The following CAMK1D variants were observed in gnomAD, a reference collection of about 807,000 sequenced individuals.
The protein encoded by CAMK1D is calcium/calmodulin-dependent protein kinase type 1D.
CAMK1D carries 9 observed loss-of-function variants against 47.7 expected under a neutral mutation model. The ratio of observed to expected loss-of-function variants is 0.19; its 90% CI spans 0.11 to 0.33. The LOEUF is 0.33. Ranked by LOEUF, CAMK1D falls within the 10% of genes least tolerant of loss-of-function variation. The pLI, the probability that CAMK1D is intolerant of heterozygous loss-of-function variation, is 1.00. For synonymous variants in CAMK1D, 184 were observed against 184.9 expected, an observed-to-expected ratio of 0.99 and a Z score of 0.04; for missense variants, 291 against 488.7, an observed-to-expected ratio of 0.60 and a Z score of 3.81.
At chr10:12,425,264 T>TTTTCTTTCTTTC (rs148930488) in intron 1 of CAMK1D, among the ~76,000 whole-genome samples, 23 of 146,712 alleles carry the variant, frequency 1.6e-4, no homozygotes, top group Admixed American at 2.7e-4. Context: ...TGCCCCTTTC[T>TTTTCTTTCTTTC]TTTCTTTCTT....
intron 1 of CAMK1D, among the ~76,000 whole-genome samples, chr10:12,505,421 C>G (rs897111875): frequency 6.6e-6 from 1 of 152,124 alleles, no homozygotes; most frequent in Non-Finnish European, 1.5e-5. Flanking sequence ...GGCAGTAAAA[C>G]GGGTGTAGAA....
chr10:12,691,826 C>CT lies in CAMK1D; in HGVS notation c.299+25018dup, dbSNP rs1055527493. 2.0e-5 allele frequency among the ~76,000 whole-genome samples: 3 copies of CT among 152,108 alleles called. 1 individual carries two copies. Among genetic ancestry groups the CT allele is most frequent in the African/African-American group, 7.2e-5 (3 of 41,414 alleles). On this transcript the variant is annotated intron_variant, in intron 3 of 10. Coordinates refer to ENST00000619168, the MANE Select transcript of CAMK1D (RefSeq NM_153498.4). ...GTGAAGAGGAGGAGGGGGAGAAAGCCTTGAATAACCAATCAACACTTACAT... is the reference window on the plus strand; with the variant it reads ...GTGAAGAGGAGGAGGGGGAGAAAGCCTTTGAATAACCAATCAACACTTACAT...
intron 1 of CAMK1D, among the ~76,000 whole-genome samples, chr10:12,541,997 C>G (rs1836210290): frequency 6.6e-6 from 1 of 151,952 alleles, no homozygotes; most frequent in Non-Finnish European, 1.5e-5. Flanking sequence ...ACCTCAGCTT[C>G]GTGAGTAGCT....
intron 1 of CAMK1D, among the ~76,000 whole-genome samples, chr10:12,357,322 CTT>C (rs1318773568): frequency 6.9e-6 from 1 of 145,466 alleles, no homozygotes; most frequent in Admixed American, 6.9e-5. Flanking sequence ...CAGGTGTTTG[CTT>C]TTTTTTTTTG....
Position 12,817,145 on chromosome 10 carries a change from A to G in CAMK1D, c.833+817A>G, listed in dbSNP as rs567941086. On this transcript the variant is annotated intron_variant, in intron 8 of 10. Coordinates refer to ENST00000619168, the MANE Select transcript of CAMK1D (RefSeq NM_153498.4). ...GGGAAAGACTTGCCTCTGTGATTCA[A>G]TTACCTCCCACCAGGTCCCTCCCAC... Among the ~76,000 whole-genome samples, 9 of 152,320 alleles carry G rather than the reference A, an allele frequency of 5.9e-5. No individual in the cohort carries two copies. The South Asian group carries it at 8.3e-4, about 14-fold the overall frequency.
intron 1 of CAMK1D, among the ~76,000 whole-genome samples, chr10:12,395,420 C>A (rs922632928): frequency 2.0e-5 from 3 of 152,002 alleles, no homozygotes; most frequent in Non-Finnish European, 4.4e-5. Context: ...GGAATCTCAG[C>A]CACCAGTCAC....
At chr10:12,733,863 C>T (rs1456059372) in intron 3 of CAMK1D, among the ~76,000 whole-genome samples, 1 of 152,104 alleles carries the variant, frequency 6.6e-6, no homozygotes. Context: ...ATTATATATA[C>T]AGTCATTGTA....
At chr10:12,820,265 C>G (rs1353839895) in intron 8 of CAMK1D, among the ~76,000 whole-genome samples, 1 of 152,182 alleles carries the variant, frequency 6.6e-6, no homozygotes, top group Admixed American at 6.5e-5. Context: ...GTCTCGATCT[C>G]CTAACCTTGT....
At chr10:12,350,749 G>C (rs1436101597) in intron 1 of CAMK1D, among the ~76,000 whole-genome samples, 1 of 152,226 alleles carries the variant, frequency 6.6e-6, no homozygotes, top group East Asian at 1.9e-4. Context: ...GAATAGGTGG[G>C]GAGGCTGATA....
intron 3 of CAMK1D, among the ~76,000 whole-genome samples, chr10:12,734,443 CATATGT>C (rs1564524487): frequency 0.089 from 466 of 5,260 alleles, 6 homozygotes; most frequent in Non-Finnish European, 0.43. Flanking sequence ...TACACACACA[CATATGT>C]GTATATATAC....
intron 2 of CAMK1D, among the ~76,000 whole-genome samples, chr10:12,580,308 A>T (rs1824881014): frequency 6.7e-6 from 1 of 149,624 alleles, no homozygotes; most frequent in Non-Finnish European, 1.5e-5. Context: ...ATGTATCTGG[A>T]CTAAAATATG....
chr10:12,632,064 A>G (rs1839395867), intron 2 of CAMK1D, among the ~76,000 whole-genome samples: 1 of 152,186 alleles, frequency 6.6e-6, no homozygotes. Context: ...GTGCTGAATG[A>G]AGGCCCCGTT....
At chr10:12,515,900 C>T (rs1007241135) in intron 1 of CAMK1D, among the ~76,000 whole-genome samples, 10 of 152,130 alleles carry the variant, frequency 6.6e-5, no homozygotes, top group Admixed American at 3.9e-4. Flanking sequence ...CGTGAGCCAC[C>T]GTGCAGGGCC....
chr10:12,629,939 C>T (rs1474010312), intron 2 of CAMK1D, among the ~76,000 whole-genome samples: 4 of 152,170 alleles, frequency 2.6e-5, no homozygotes, highest in Admixed American at 1.3e-4. Context: ...GTGATGTATA[C>T]GATAGACTGC....
chr10:12,391,062 A>G (rs990809400), intron 1 of CAMK1D, among the ~76,000 whole-genome samples: 3 of 152,128 alleles, frequency 2.0e-5, no homozygotes, highest in African/African-American at 4.8e-5. Context: ...TTGGGCCAAC[A>G]CTGTCTTCTC....
intron 6 of CAMK1D, among the ~76,000 whole-genome samples, chr10:12,800,747 G>GCCATCCAT (rs1296189072): frequency 1.3e-5 from 2 of 152,174 alleles, no homozygotes; most frequent in Non-Finnish European, 2.9e-5. Context: ...CTAGAATTGA[G>GCCATCCAT]CCATCCATCC....
chr10:12,664,208 T>C (rs1840358410), intron 2 of CAMK1D, among the ~76,000 whole-genome samples: 1 of 152,212 alleles, frequency 6.6e-6, no homozygotes, highest in Non-Finnish European at 1.5e-5. Context: ...AGCTTTTTGA[T>C]AGCAAAACTT....
chr10:12,710,383 A>G (rs757419967), intron 3 of CAMK1D, among the ~76,000 whole-genome samples: 3 of 152,202 alleles, frequency 2.0e-5, no homozygotes, highest in Non-Finnish European at 2.9e-5. Flanking sequence ...CATTCCGTAC[A>G]TGTTTATTGA....
At chr10:12,714,327 A>C (rs1834038650) in intron 3 of CAMK1D, among the ~76,000 whole-genome samples, 1 of 152,232 alleles carries the variant, frequency 6.6e-6, no homozygotes, top group South Asian at 2.1e-4. Flanking sequence ...TGCAAAATGG[A>C]ACAGTACACT....
Sources: gnomAD v4.1 joint callset for allele counts (sites outside exome capture counted in the v4.1 genomes callset) on GRCh38, gnomAD v4.1.1 for gene constraint, MANE v1.5 for transcripts, NCBI Gene and HGNC (gene_info 2026-07-23, HGNC 2026-07-21) for gene names.